Variants in ARHGEF28 observed in about 807,000 individuals in gnomAD.
ARHGEF28 encodes the protein Rho guanine nucleotide exchange factor 28, also known as 190 kDa guanine nucleotide exchange factor.
ARHGEF28 carries 152 observed loss-of-function variants against 206.6 expected under a neutral mutation model. The ratio of observed to expected loss-of-function variants is 0.74; its 90% CI spans 0.64 to 0.84. The LOEUF is 0.84. Ranked by LOEUF, ARHGEF28 falls within the 40% of genes least tolerant of loss-of-function variation. ARHGEF28 has a pLI of 0.00. For missense variants in ARHGEF28, 2,028 were observed against 2,073.2 expected (o/e 0.98, Z 0.42); for synonymous variants, 763 against 776.4 (o/e 0.98, Z 0.29).
chr5:73,636,420 A>G (rs1743719213), intron 1 of ARHGEF28, among the ~76,000 whole-genome samples: 1 of 152,250 alleles, frequency 6.6e-6, no homozygotes, highest in African/African-American at 2.4e-5. Flanking sequence ...TCGTATTAAA[A>G]ATAAAGAGTA....
At position 73,921,447 on chromosome 5, in the gene ARHGEF28, G is replaced by T. The variant is rs117759095; in HGVS notation, c.4948+9872G>T. 4.3e-4 allele frequency among the ~76,000 whole-genome samples: 66 copies of T among 152,268 alleles called. 3 individuals carry two copies. The East Asian group carries it at 0.012, about 28-fold the overall frequency. Reference sequence around the variant, plus strand: ...ACTGTTGAGTTTCCTTGAATAAGGGGCCACAGTATCCATTCTCTTTCTGGA... The same window carrying T: ...ACTGTTGAGTTTCCTTGAATAAGGGTCCACAGTATCCATTCTCTTTCTGGA... On this transcript the variant is annotated intron_variant, in intron 35 of 35. Coordinates refer to ENST00000513042, the MANE Select transcript of ARHGEF28 (RefSeq NM_001177693.2).
At chr5:73,722,017 A>G (rs1353817954) in intron 2 of ARHGEF28, among the ~76,000 whole-genome samples, 1 of 152,196 alleles carries the variant, frequency 6.6e-6, no homozygotes, top group Non-Finnish European at 1.5e-5. Flanking sequence ...TCTAATGAGT[A>G]TATCTGGGAG....
chr5:73,890,880 C>T lies in ARHGEF28; in HGVS notation c.3388-1172C>T, dbSNP rs560826522. ...TTCATCTTGAAGTCATTCTTTTGGC[C>T]ATTCTTTCAACTACATCTACCTACC... On this transcript the variant is annotated intron_variant, in intron 26 of 35. Transcript: ENST00000513042. 2.6e-5 allele frequency among the ~76,000 whole-genome samples: 4 copies of T among 152,338 alleles called. No individual in the cohort carries two copies. The East Asian group carries it at 7.7e-4, about 29-fold the overall frequency.
chr5:73,823,098 G>A (rs1214785146), intron 9 of ARHGEF28, among the ~76,000 whole-genome samples: 1 of 152,184 alleles, frequency 6.6e-6, no homozygotes, highest in African/African-American at 2.4e-5. Context: ...TCTCTGTCAG[G>A]ACCGTGTTTG....
At chr5:73,751,806 C>G (rs1752031678) in intron 3 of ARHGEF28, among the ~76,000 whole-genome samples, 1 of 152,074 alleles carries the variant, frequency 6.6e-6, no homozygotes. Flanking sequence ...CAGCTTTTAC[C>G]AGGACAACCT....
At chr5:73,902,894 C>T (rs1241805103) in intron 31 of ARHGEF28, 1 of 152,176 alleles carries the variant, frequency 6.6e-6, no homozygotes, top group Admixed American at 6.5e-5. Flanking sequence ...GCCATATGGT[C>T]TTACTACAGA....
intron 30 of ARHGEF28, chr5:73,900,849 G>A (rs559779610): frequency 1.6e-5 from 3 of 189,422 alleles, no homozygotes; most frequent in South Asian, 1.1e-4. Flanking sequence ...TTCCCAGGAG[G>A]CATTTTCCTA....
intron 9 of ARHGEF28, among the ~76,000 whole-genome samples, chr5:73,797,681 G>A (rs1754902905): frequency 1.3e-5 from 2 of 152,134 alleles, no homozygotes; most frequent in Non-Finnish European, 2.9e-5. Context: ...ACCACATCTG[G>A]CCTCTTTTGT....
intron 11 of ARHGEF28, among the ~76,000 whole-genome samples, chr5:73,843,018 G>C (rs552900585): frequency 6.6e-6 from 1 of 151,172 alleles, no homozygotes; most frequent in Non-Finnish European, 1.5e-5. Context: ...TCTGTCAGGT[G>C]TGTGAGCCCC....
chr5:73,902,887 A>G (rs776055293), intron 31 of ARHGEF28: 2 of 152,190 alleles, frequency 1.3e-5, no homozygotes, highest in African/African-American at 2.4e-5. Context: ...ACTCTGTGCC[A>G]TATGGTCTTA....
At chr5:73,918,777 T>C (rs1367423050) in intron 35 of ARHGEF28, among the ~76,000 whole-genome samples, 1 of 152,140 alleles carries the variant, frequency 6.6e-6, no homozygotes, top group African/African-American at 2.4e-5. Flanking sequence ...TGGATAGGAA[T>C]TTGTTGCTAG....
At chr5:73,796,496 A>G (rs6883439) in intron 9 of ARHGEF28, among the ~76,000 whole-genome samples, 28,717 of 152,096 alleles carry the variant, frequency 0.19, 5,335 homozygotes, top group African/African-American at 0.48. Flanking sequence ...CTGGAGGCTG[A>G]GGGAGTGTGG....
intron 35 of ARHGEF28, among the ~76,000 whole-genome samples, chr5:73,919,645 G>A (rs973509692): frequency 2.6e-5 from 4 of 152,136 alleles, no homozygotes; most frequent in Admixed American, 6.5e-5. Context: ...TCTGGAGTGG[G>A]CTCTCCTACT....
At position 73,885,913 on chromosome 5, in the gene ARHGEF28, C is replaced by T; in HGVS notation, c.3119C>T (p.Thr1040Ile). ...TGCTTAATTAAAGACATGATTGCAACAGTGGATTTAAAAGTCAATGAATAT... is the reference window on the plus strand; with the variant it reads ...TGCTTAATTAAAGACATGATTGCAATAGTGGATTTAAAAGTCAATGAATAT... Reference protein sequence around the residue: ...ALCLIKDMIATVDLKVNEYEK... With the variant: ...ALCLIKDMIAIVDLKVNEYEK... Residue 1040 changes from threonine (T) to isoleucine (I), a missense_variant, in exon 25 of 36, where the codon ACA becomes ATA. Coordinates refer to ENST00000513042, the MANE Select transcript of ARHGEF28 (RefSeq NM_001177693.2). 4.3e-6 allele frequency: 7 copies of T among 1,613,564 alleles called. No homozygotes were observed. The South Asian group carries it at 6.6e-5, about 15-fold the overall frequency.
intron 2 of ARHGEF28, among the ~76,000 whole-genome samples, chr5:73,690,525 C>CAAAA (rs71615796): frequency 2.6e-4 from 6 of 23,346 alleles, no homozygotes; most frequent in South Asian, 1.6e-3. Flanking sequence ...TCTGTCTTTA[C>CAAAA]AAAAAAAAAA....
intron 9 of ARHGEF28, among the ~76,000 whole-genome samples, chr5:73,828,925 A>G (rs1446875689): frequency 2.0e-5 from 3 of 151,788 alleles, no homozygotes; most frequent in South Asian, 2.1e-4. Context: ...GGCTCAAGCA[A>G]TCCTCTCACT....
intron 16 of ARHGEF28, among the ~76,000 whole-genome samples, chr5:73,862,233 C>A (rs1759446452): frequency 6.6e-6 from 1 of 152,116 alleles, no homozygotes; most frequent in African/African-American, 2.4e-5. Flanking sequence ...ACCTTCATTG[C>A]AGATTTAACC....
chr5:73,702,263 T>C (rs1748648654), intron 2 of ARHGEF28, among the ~76,000 whole-genome samples: 1 of 152,198 alleles, frequency 6.6e-6, no homozygotes, highest in Admixed American at 6.5e-5. Flanking sequence ...TTTCAGAAAT[T>C]CTGGTAAAAT....
intron 35 of ARHGEF28, among the ~76,000 whole-genome samples, chr5:73,913,622 G>T (rs1763036529): frequency 6.6e-6 from 1 of 152,168 alleles, no homozygotes; most frequent in African/African-American, 2.4e-5. Context: ...GAAGAAGCAG[G>T]CTCCAGGGTG....
Sources: gnomAD v4.1 joint callset for allele counts (sites outside exome capture counted in the v4.1 genomes callset) on GRCh38, gnomAD v4.1.1 for gene constraint, MANE v1.5 for transcripts, NCBI Gene and HGNC (gene_info 2026-07-23, HGNC 2026-07-21) for gene names.